NR6A1: variants seen among roughly 807,000 people sequenced by gnomAD.
NR6A1 encodes nuclear receptor subfamily 6 group A member 1, also known as retinoic acid receptor-related testis-associated receptor.
A neutral mutation model predicts 59.1 loss-of-function variants in NR6A1; 7 were observed. The ratio of observed to expected loss-of-function variants is 0.12; its 90% CI spans 0.07 to 0.22. The LOEUF is 0.22. Ranked by LOEUF, NR6A1 falls within the 10% of genes least tolerant of loss-of-function variation. The probability of loss-of-function intolerance (pLI) is 1.00; values close to 1 mark genes in which losing one functional copy is unlikely to be tolerated. For synonymous variants in NR6A1, 243 were observed against 236.1 expected (o/e 1.03, Z -0.27); for missense variants, 468 against 611.6 (o/e 0.77, Z 2.48).
At chr9:124,714,927 C>T (rs746397468) in intron 2 of NR6A1, among the ~76,000 whole-genome samples, 23 of 152,056 alleles carry the variant, frequency 1.5e-4, no homozygotes, top group Admixed American at 3.3e-4. Flanking sequence ...TGGCTGGGCA[C>T]GGTGACTCAT....
chr9:124,594,157 C>T (rs1378418424), intron 2 of NR6A1, among the ~76,000 whole-genome samples: 2 of 152,114 alleles, frequency 1.3e-5, no homozygotes, highest in African/African-American at 4.8e-5. Flanking sequence ...TCCAAAACCT[C>T]CTACAACTGG....
chr9:124,666,272 G>GTTTTTTTTT (rs1588760705), intron 2 of NR6A1, among the ~76,000 whole-genome samples: 11 of 127,814 alleles, frequency 8.6e-5, no homozygotes, highest in African/African-American at 4.3e-4. Flanking sequence ...CCTCTATGTG[G>GTTTTTTTTT]TTCTTTTTTT....
chr9:124,526,590 G>A (rs1481495673), intron 8 of NR6A1, among the ~76,000 whole-genome samples, 189 bp downstream of exon 8: 6 of 152,032 alleles, frequency 3.9e-5, no homozygotes, highest in Admixed American at 6.6e-5. Flanking sequence ...AAGCATTCTC[G>A]CATTCCCTGT....
intron 2 of NR6A1, among the ~76,000 whole-genome samples, chr9:124,729,728 G>T (rs893348668): frequency 6.6e-6 from 1 of 152,110 alleles, no homozygotes; most frequent in Admixed American, 6.5e-5. Context: ...CAGTCTTGAT[G>T]CTTCCTATCA....
At chr9:124,585,214 G>A (rs1408429124) in intron 2 of NR6A1, among the ~76,000 whole-genome samples, 2 of 152,076 alleles carry the variant, frequency 1.3e-5, no homozygotes, top group Non-Finnish European at 2.9e-5. Context: ...TGGCTCACGA[G>A]GTTGAAGGAA....
intron 2 of NR6A1, among the ~76,000 whole-genome samples, chr9:124,582,871 T>G (rs1290471445): frequency 1.3e-5 from 2 of 151,966 alleles, no homozygotes; most frequent in Non-Finnish European, 1.5e-5. Context: ...AGACCCCATC[T>G]CTCTAAAGAA....
chr9:124,764,424 T>C (rs1222885291), intron 1 of NR6A1, among the ~76,000 whole-genome samples: 1 of 152,130 alleles, frequency 6.6e-6, no homozygotes, highest in East Asian at 1.9e-4. Flanking sequence ...ATTACAATGA[T>C]GGGTTGGAAG....
intron 1 of NR6A1, among the ~76,000 whole-genome samples, chr9:124,741,900 T>C (rs1840182471): frequency 6.6e-6 from 1 of 152,152 alleles, no homozygotes; most frequent in Non-Finnish European, 1.5e-5. Context: ...TCGGTAGCCA[T>C]GATCGATATC....
chr9:124,751,641 C>T (rs1030724892), intron 1 of NR6A1, among the ~76,000 whole-genome samples: 6 of 152,166 alleles, frequency 3.9e-5, no homozygotes, highest in African/African-American at 1.2e-4. Flanking sequence ...GTGCCATACA[C>T]TACATGAGTC....
chr9:124,615,066 A>T (rs1437003610), intron 2 of NR6A1, among the ~76,000 whole-genome samples: 2 of 152,216 alleles, frequency 1.3e-5, no homozygotes, highest in African/African-American at 2.4e-5. Flanking sequence ...TTCTATTCAG[A>T]TCAAGTTAAT....
chr9:124,612,715 T>G (rs1335026318), intron 2 of NR6A1, among the ~76,000 whole-genome samples: 2 of 152,230 alleles, frequency 1.3e-5, no homozygotes, highest in Non-Finnish European at 2.9e-5. Flanking sequence ...TTACAACTCT[T>G]GTACTGTGGG....
At chr9:124,716,000 C>T (rs962563282) in intron 2 of NR6A1, among the ~76,000 whole-genome samples, 3 of 152,024 alleles carry the variant, frequency 2.0e-5, no homozygotes, top group South Asian at 2.1e-4. Flanking sequence ...GCCAGGAGTT[C>T]GAGACCAGCC....
chr9:124,738,583 C>T (rs1002236608), intron 1 of NR6A1, among the ~76,000 whole-genome samples: 4 of 152,016 alleles, frequency 2.6e-5, no homozygotes, highest in Admixed American at 6.5e-5. Flanking sequence ...AAAAAGGACA[C>T]GGGGGCCGGG....
At chr9:124,593,303 T>A (rs1435317998) in intron 2 of NR6A1, among the ~76,000 whole-genome samples, 2 of 152,188 alleles carry the variant, frequency 1.3e-5, no homozygotes, top group African/African-American at 4.8e-5. Flanking sequence ...GGGAGGGATT[T>A]CGCACATGTG....
chr9:124,657,750 C>CCA (rs1588750852), intron 2 of NR6A1, among the ~76,000 whole-genome samples: 1 of 152,042 alleles, frequency 6.6e-6, no homozygotes, highest in African/African-American at 2.4e-5. Flanking sequence ...TTCCCCCCCC[C>CCA]AGCAACCCCT....
intron 2 of NR6A1, among the ~76,000 whole-genome samples, chr9:124,721,043 C>T (rs1399974963): frequency 6.6e-6 from 1 of 152,142 alleles, no homozygotes; most frequent in Non-Finnish European, 1.5e-5. Context: ...TGCAATATTG[C>T]TCCCATGGAA....
intron 1 of NR6A1, among the ~76,000 whole-genome samples, chr9:124,735,694 GAGATGCCAGGTGTCTT>G (rs1198407550): frequency 6.6e-6 from 1 of 152,214 alleles, no homozygotes; most frequent in Non-Finnish European, 1.5e-5. Flanking sequence ...AAGCCATGGA[GAGATGCCAGGTGTCTT>G]AGTCCATTCA....
At chr9:124,600,176 T>C (rs995290609) in intron 2 of NR6A1, among the ~76,000 whole-genome samples, 2 of 152,250 alleles carry the variant, frequency 1.3e-5, no homozygotes, top group African/African-American at 4.8e-5. Context: ...AATTCCTTTT[T>C]AAACTTACAG....
Position 124,771,026 on chromosome 9 carries a change from G to A in NR6A1, c.94C>T (p.Arg32Cys), listed in dbSNP as rs1343564476. ...TCGCAGGCCCCTCACCCACCGTTGCGCGGCGGCGGAGGGAGCGCGGCGGGA... is the reference window on the plus strand; with the variant it reads ...TCGCAGGCCCCTCACCCACCGTTGCACGGCGGCGGAGGGAGCGCGGCGGGA... ...EPPAALPPPP[R>C]NGFCQDELAE... The change falls in exon 1 of 10, where the codon CGC (arginine) becomes TGC (cysteine). Residue 32 changes from arginine to cysteine, a missense_variant. By Grantham distance (180) the Arg-to-Cys change is radical. Transcript: ENST00000487099. The A allele has an allele frequency of 8.1e-7, 1 of 1,229,076 alleles. No homozygotes were observed. Among genetic ancestry groups the A allele is most frequent in the Non-Finnish European group, 1.0e-6 (1 of 985,804 alleles). The allele number at this position is 1,229,076 out of a possible 1,614,324, so 76.1% of individuals were successfully genotyped here. A position where few individuals can be genotyped will look rare whatever the true frequency, so the allele number is the denominator to read the frequency against.
Sources: allele counts gnomAD v4.1 joint callset (sites outside exome capture counted in the v4.1 genomes callset), GRCh38; gene constraint gnomAD v4.1.1; transcripts MANE v1.5; gene names NCBI Gene and HGNC (gene_info 2026-07-23, HGNC 2026-07-21).